EPHA7: variants seen among roughly 807,000 people sequenced by gnomAD.
EPHA7 encodes the protein ephrin type-A receptor 7.
Under a neutral mutation model 112.6 loss-of-function variants are expected in EPHA7, and 25 were observed. The observed-to-expected ratio is 0.22, with a 90% CI of 0.16 to 0.31. The LOEUF (loss-of-function observed/expected upper bound fraction) is 0.31. EPHA7 is among the 10% of genes least tolerant of loss of function. The pLI is 1.00. For missense variants in EPHA7, 962 were observed against 1,212.6 expected (o/e 0.79, Z 3.07); for synonymous variants, 437 against 406.5 (o/e 1.07, Z -0.90).
intron 5 of EPHA7, among the ~76,000 whole-genome samples, chr6:93,319,848 CTTTA>C (rs1255277292): frequency 3.9e-5 from 6 of 151,920 alleles, no homozygotes; most frequent in Admixed American, 2.0e-4. Context: ...ATATTATACC[CTTTA>C]TTTAATAATT....
rs567180568 is a variant in EPHA7 at position 93,368,721 on chromosome 6, A to T, written c.833-10310T>A. On this transcript the variant is annotated intron_variant, in intron 3 of 16. Transcript: ENST00000369303. The stretch of plus-strand genomic sequence containing the variant: ...AAAGAGCTATACTTCTATGCAAAGC[A>T]GTCCAAGACATGGGCTTTTCACTAT... Among the ~76,000 whole-genome samples, 119 of 152,324 alleles carry T rather than the reference A, an allele frequency of 7.8e-4. 4 individuals are homozygous for T. In the South Asian group the frequency reaches 0.024, roughly 31 times the overall value.
intron 5 of EPHA7, among the ~76,000 whole-genome samples, chr6:93,345,731 A>G (rs1194232618): frequency 6.6e-6 from 1 of 151,730 alleles, no homozygotes; most frequent in Non-Finnish European, 1.5e-5. Flanking sequence ...CAAGATCTTG[A>G]TAGTGTTCTC....
chr6:93,361,793 C>T (rs1037594553), intron 3 of EPHA7, among the ~76,000 whole-genome samples: 1 of 152,160 alleles, frequency 6.6e-6, no homozygotes, highest in Admixed American at 6.5e-5. Flanking sequence ...ATTTCTCAAT[C>T]TGTTCAATAG....
intron 3 of EPHA7, among the ~76,000 whole-genome samples, chr6:93,374,402 C>A (rs1776950342): frequency 6.6e-6 from 1 of 152,142 alleles, no homozygotes; most frequent in Non-Finnish European, 1.5e-5. Context: ...TATACCCTCA[C>A]TAAAATCTTG....
intron 5 of EPHA7, among the ~76,000 whole-genome samples, chr6:93,278,862 C>T (rs1470793225): frequency 6.6e-6 from 1 of 151,966 alleles, no homozygotes; most frequent in Non-Finnish European, 1.5e-5. Context: ...TAGGCTCTGA[C>T]ACTTCCTGAG....
chr6:93,418,472 G>A (rs2127999671), intron 1 of EPHA7, among the ~76,000 whole-genome samples: 1 of 152,292 alleles, frequency 6.6e-6, no homozygotes, highest in East Asian at 1.9e-4. Context: ...TCGCCCAGGC[G>A]GCATCCTTAC....
At chr6:93,403,675 A>G (rs530505621) in intron 3 of EPHA7, among the ~76,000 whole-genome samples, 1 of 152,018 alleles carries the variant, frequency 6.6e-6, no homozygotes, top group East Asian at 1.9e-4. Context: ...AAAAAAAAAA[A>G]AAGAAAAAGG....
rs1406001898 is a variant in EPHA7 at position 93,370,990 on chromosome 6, A to G, written c.833-12579T>C. Among the ~76,000 whole-genome samples, 24 of 130,236 alleles carry G rather than the reference A, an allele frequency of 1.8e-4. No individual in the cohort carries two copies. The East Asian group carries it at 3.3e-3, about 18-fold the overall frequency. The allele number at this position is 130,236 out of a possible 152,430, so 85.4% of individuals were successfully genotyped here. A position where few individuals can be genotyped will look rare whatever the true frequency, so the allele number is the denominator to read the frequency against. On this transcript the variant is annotated intron_variant, in intron 3 of 16. Transcript: ENST00000369303. ...GAAACCCTGTCTCTACGAAAAATAC[A>G]AAAAAAAAAAAAAGAAAAAAAAACT...
At chr6:93,387,099 AT>A (rs1448430447) in intron 3 of EPHA7, among the ~76,000 whole-genome samples, 7 of 151,646 alleles carry the variant, frequency 4.6e-5, no homozygotes, top group South Asian at 2.1e-4. Flanking sequence ...TCCCCAGAAA[AT>A]TTTTTTTTCT....
intron 3 of EPHA7, among the ~76,000 whole-genome samples, chr6:93,399,997 A>G (rs1778361307): frequency 6.6e-6 from 1 of 152,114 alleles, no homozygotes. Flanking sequence ...CTAAAGGAGT[A>G]CAAGAATGCC....
In EPHA7 at chr6:93,272,308, T is replaced by C. The variant is rs369681580; in HGVS notation, c.1439A>G (p.Tyr480Cys). The C allele has an allele frequency of 1.2e-6, 2 of 1,611,732 alleles. No homozygotes were observed. The highest frequency in any genetic ancestry group is 1.7e-6 in the Non-Finnish European group (2 of 1,178,434). Residue 480 changes from tyrosine to cysteine, a missense_variant, in exon 6 of 17, where the codon TAT (tyrosine) becomes TGT (cysteine). Physicochemically the swap from Tyr to Cys is radical, Grantham distance 194. Transcript: ENST00000369303. ...NGVITEYEIK[Y>C]YEKDQRERTY... ...GCTCTTAGCACTTACTTTCTCGTAA[T>C]ACTTGATTTCATATTCTGTGATGAC...
intron 5 of EPHA7, among the ~76,000 whole-genome samples, chr6:93,355,354 A>G (rs1270033547): frequency 6.6e-6 from 1 of 152,198 alleles, no homozygotes; most frequent in African/African-American, 2.4e-5. Flanking sequence ...GTCTGAGATC[A>G]TATACATAGT....
intron 3 of EPHA7, among the ~76,000 whole-genome samples, chr6:93,375,881 C>T (rs897292717): frequency 1.3e-5 from 2 of 152,086 alleles, no homozygotes; most frequent in Admixed American, 1.3e-4. Context: ...ACAAAAGCTC[C>T]CATTTTCCTC....
chr6:93,330,513 A>G (rs997078968), intron 5 of EPHA7, among the ~76,000 whole-genome samples: 19 of 151,258 alleles, frequency 1.3e-4, no homozygotes, highest in African/African-American at 3.6e-4. Context: ...GCCCTTACAT[A>G]TAAGTGAGAA....
At chr6:93,313,482 T>C (rs1156885008) in intron 5 of EPHA7, among the ~76,000 whole-genome samples, 4 of 151,804 alleles carry the variant, frequency 2.6e-5, no homozygotes, top group African/African-American at 2.4e-5. Flanking sequence ...CTTAACTGCT[T>C]TTATAGCCAG....
At chr6:93,247,025 G>T (rs1373020168) in intron 14 of EPHA7, 40 bp from the exon 15 acceptor site, 6 of 1,496,436 alleles carry the variant, frequency 4.0e-6, no homozygotes, top group Admixed American at 1.9e-5. Flanking sequence ...ACTGATTTAG[G>T]TTCAATTATA....
intron 3 of EPHA7, among the ~76,000 whole-genome samples, chr6:93,383,839 A>G (rs1370471050): frequency 6.6e-6 from 1 of 152,104 alleles, no homozygotes; most frequent in African/African-American, 2.4e-5. Context: ...CTGAGGCTAC[A>G]GGAGTGTCAG....
chr6:93,352,574 T>A (rs1461153812), intron 5 of EPHA7, among the ~76,000 whole-genome samples: 1 of 152,096 alleles, frequency 6.6e-6, no homozygotes, highest in Non-Finnish European at 1.5e-5. Flanking sequence ...TCTACAACAT[T>A]ATAATAAAGT....
Position 93,241,191 on chromosome 6 carries a change from TTTG to T in EPHA7, c.*2232_*2234del. On this transcript the variant is annotated 3_prime_UTR_variant, in exon 17 of 17. Transcript: ENST00000369303. The stretch of plus-strand genomic sequence containing the variant: ...TATGTCTTCTATTTCTAGAATGGCT[TTTG>T]TTAATTTAATTTTAATAGAAAAAAT... 1 of 214,068 alleles carries T rather than the reference TTTG, an allele frequency of 4.7e-6. No homozygotes were observed. Among genetic ancestry groups the T allele is most frequent in the Non-Finnish European group, 9.4e-6 (1 of 105,848 alleles). 13.3% of individuals were successfully genotyped at this position (214,068 alleles called of 1,614,324 possible).
Sources: allele counts gnomAD v4.1 joint callset (sites outside exome capture counted in the v4.1 genomes callset), GRCh38; gene constraint gnomAD v4.1.1; transcripts MANE v1.5; gene names NCBI Gene and HGNC (gene_info 2026-07-23, HGNC 2026-07-21).